Variants in LIMA1 observed in about 807,000 individuals in gnomAD.
LIMA1 encodes the protein LIM domain and actin-binding protein 1.
A neutral mutation model predicts 62.6 loss-of-function variants in LIMA1; 52 were observed. That is an observed-to-expected ratio of 0.83 (90% CI 0.67 to 1.05). The LOEUF is 1.05. LIMA1 is among the 50% of genes least tolerant of loss of function. LIMA1 has a pLI of 0.00. For synonymous variants in LIMA1, 302 were observed against 317.8 expected (o/e 0.95, Z 0.53); for missense variants, 780 against 902.2 (o/e 0.86, Z 1.74).
rs1174447634 is a variant in LIMA1, at chr12:50,210,229, C to T, written c.631-4161G>A. Among the ~76,000 whole-genome samples, 5 of 151,998 alleles carry T rather than the reference C, an allele frequency of 3.3e-5. No individual in the cohort carries two copies. The East Asian group carries it at 9.8e-4, about 30-fold the overall frequency. Reference sequence around the variant, plus strand: ...CTTGAGGTCAGGAGTTTGAGACCAGCCTCGCCCACATGGCGAAACCCCATC... The same window carrying T: ...CTTGAGGTCAGGAGTTTGAGACCAGTCTCGCCCACATGGCGAAACCCCATC... On this transcript the variant is annotated intron_variant, in intron 4 of 10. Transcript: ENST00000341247.
At chr12:50,198,943 C>T (rs916748828) in intron 7 of LIMA1, among the ~76,000 whole-genome samples, 1 of 152,186 alleles carries the variant, frequency 6.6e-6, no homozygotes, top group African/African-American at 2.4e-5. Flanking sequence ...CATCCAAACC[C>T]TTAAGGGTGA....
At chr12:50,279,464 C>T (rs1942313084) in intron 1 of LIMA1, among the ~76,000 whole-genome samples, 1 of 151,378 alleles carries the variant, frequency 6.6e-6, no homozygotes, top group Non-Finnish European at 1.5e-5. Context: ...ATTTTCAGGC[C>T]ACTTACATGG....
Position 50,179,746 on chromosome 12 carries a change from TG to T in LIMA1, c.1275-1678del, listed in dbSNP as rs1473313109. 7.3e-5 allele frequency among the ~76,000 whole-genome samples: 11 copies of T among 150,800 alleles called. No homozygotes were observed. In the East Asian group the frequency reaches 2.2e-3, roughly 30 times the overall value. ...GCAACTGCACCCAGCCATTTTTTGT[TG>T]TTTTTTTTTTTGAGTGGAGGTCTTG... On this transcript the variant is annotated intron_variant, in intron 10 of 10. Coordinates refer to ENST00000341247, the MANE Select transcript of LIMA1 (RefSeq NM_016357.5).
intron 1 of LIMA1, among the ~76,000 whole-genome samples, chr12:50,269,834 C>T (rs866370487): frequency 6.7e-4 from 100 of 148,770 alleles, no homozygotes; most frequent in African/African-American, 2.3e-3. Context: ...GCAAGAGAAT[C>T]GCTTGAACCT....
intron 3 of LIMA1, among the ~76,000 whole-genome samples, chr12:50,224,742 T>C (rs1027280203): frequency 1.3e-5 from 2 of 152,186 alleles, no homozygotes; most frequent in Non-Finnish European, 2.9e-5. Flanking sequence ...TTTTAATTTT[T>C]TTTTAGAGAC....
rs1941032090 is a variant in LIMA1 at position 50,200,796 on chromosome 12, G to C, written c.953C>G (p.Thr318Ser). ...ACCTACCTTTTCCCCTTCCTGATGGGTGATGCAGACCTCAGGACCTGGGGG... is the reference window on the plus strand; with the variant it reads ...ACCTACCTTTTCCCCTTCCTGATGGCTGATGCAGACCTCAGGACCTGGGGG... ...NVPPGPEVCI[T>S]HQEGEKISAN... Residue 318 changes from threonine (T) to serine (S), a missense_variant, in exon 7 of 11, where the codon ACC (threonine) becomes AGC (serine). By Grantham distance (58) the Thr-to-Ser change is moderately conservative (BLOSUM62 1). Transcript: ENST00000341247. The C allele has an allele frequency of 6.2e-7, 1 of 1,613,932 alleles. No homozygotes were observed. The highest frequency in any genetic ancestry group is 1.3e-5 in the African/African-American group (1 of 74,892).
chr12:50,219,550 T>C (rs1302855380), intron 4 of LIMA1: 1 of 152,178 alleles, frequency 6.6e-6, no homozygotes, highest in Non-Finnish European at 1.5e-5. Flanking sequence ...TGATGCTTAT[T>C]TACAAACAGC....
intron 4 of LIMA1, 49 bp from the exon 5 acceptor site, chr12:50,206,117 T>C (rs371511339): frequency 6.8e-6 from 10 of 1,479,040 alleles, no homozygotes; most frequent in African/African-American, 1.4e-5. Flanking sequence ...ATGGGAAATC[T>C]TGACGCAAGG....
In LIMA1 at chr12:50,270,105, G is replaced by A. The variant is rs186670970; in HGVS notation, c.-24+13315C>T. ...CAAAATTAGCCAGGTGTGGTAGCAC[G>A]TGCCTGTAATTCCAGCTACTCGGGA... On this transcript the variant is annotated intron_variant, in intron 1 of 10. Transcript: ENST00000341247. Among the ~76,000 whole-genome samples the A allele has an allele frequency of 2.2e-3, 335 of 151,158 alleles. 1 individual carries two copies. Among genetic ancestry groups the A allele is most frequent in the Middle Eastern group, 0.014 (4 of 294 alleles).
intron 1 of LIMA1, among the ~76,000 whole-genome samples, chr12:50,250,684 G>T (rs1292676251): frequency 2.6e-5 from 4 of 151,940 alleles, no homozygotes; most frequent in Admixed American, 1.3e-4. Flanking sequence ...ATCCTTGTCG[G>T]AAAATAATAC....
chr12:50,216,586 C>T (rs1431595226), intron 4 of LIMA1, among the ~76,000 whole-genome samples: 2 of 152,058 alleles, frequency 1.3e-5, no homozygotes, highest in Admixed American at 6.6e-5. Flanking sequence ...GGAAGTAGAA[C>T]CATCACATTC....
At chr12:50,185,315 C>G in intron 9 of LIMA1, 1 of 454,168 alleles carries the variant, frequency 2.2e-6, no homozygotes, top group Non-Finnish European at 4.4e-6. Context: ...GGGAGGCACA[C>G]ACTGTGGGAG....
chr12:50,232,857 C>T (rs950140927), intron 2 of LIMA1, among the ~76,000 whole-genome samples: 3 of 152,210 alleles, frequency 2.0e-5, no homozygotes, highest in Non-Finnish European at 4.4e-5. Flanking sequence ...CATAGTGGCG[C>T]ACACCTATAA....
At chr12:50,240,663 A>G (rs948463383) in intron 2 of LIMA1, among the ~76,000 whole-genome samples, 1 of 152,258 alleles carries the variant, frequency 6.6e-6, no homozygotes, top group East Asian at 1.9e-4. Flanking sequence ...CAAGAGTTCA[A>G]TGCTAGCCAT....
chr12:50,272,925 C>T (rs1343974299), intron 1 of LIMA1, among the ~76,000 whole-genome samples: 3 of 151,548 alleles, frequency 2.0e-5, no homozygotes, highest in Admixed American at 2.0e-4. Flanking sequence ...TGGCGGGCGC[C>T]TGTAGTCCCA....
chr12:50,260,337 C>T (rs1472510208), intron 1 of LIMA1, among the ~76,000 whole-genome samples: 5 of 151,942 alleles, frequency 3.3e-5, no homozygotes, highest in Admixed American at 1.3e-4. Flanking sequence ...TTAGTAGAGA[C>T]GAGGTTTCAC....
Position 50,186,237 on chromosome 12 carries a change from T to G in LIMA1, c.1141-4200A>C, listed in dbSNP as rs574424867. The G allele has an allele frequency of 2.0e-5, 3 of 152,338 alleles. No individual in the cohort carries two copies. The East Asian group carries it at 5.8e-4, about 29-fold the overall frequency. The allele number at this position is 152,338 out of a possible 1,614,324, so 9.4% of individuals were successfully genotyped here. The stretch of plus-strand genomic sequence containing the variant: ...CTGCCAATACGACAATGTTAGACAT[T>G]TTTTATCTTCACAGTATATTTTTTC... On this transcript the variant is annotated intron_variant, in intron 9 of 10. Coordinates refer to ENST00000341247, the MANE Select transcript of LIMA1 (RefSeq NM_016357.5).
chr12:50,201,523 A>G, intron 6 of LIMA1: 4 of 984,498 alleles, frequency 4.1e-6, no homozygotes, highest in Non-Finnish European at 4.8e-6. Context: ...TATTGTCATA[A>G]GGAATAAGGA....
chr12:50,176,335 T>C lies in LIMA1; in HGVS notation c.*729A>G, dbSNP rs1358078447. Reference sequence around the variant, plus strand: ...TATCACCAGAAAAGAAAGCAATCATTTGGAGTACAGTAAATTCACTGGCAG... The same window carrying C: ...TATCACCAGAAAAGAAAGCAATCATCTGGAGTACAGTAAATTCACTGGCAG... On this transcript the variant is annotated 3_prime_UTR_variant, in exon 11 of 11. Transcript: ENST00000341247. The C allele has an allele frequency of 1.3e-5, 2 of 152,200 alleles. No homozygotes were observed. Among genetic ancestry groups the C allele is most frequent in the Non-Finnish European group, 2.9e-5 (2 of 68,042 alleles). The allele number at this position is 152,200 out of a possible 1,614,324, so 9.4% of individuals were successfully genotyped here. A position where few individuals can be genotyped will look rare whatever the true frequency, so the allele number is the denominator to read the frequency against.
Sources: allele counts gnomAD v4.1 joint callset (sites outside exome capture counted in the v4.1 genomes callset), GRCh38; gene constraint gnomAD v4.1.1; transcripts MANE v1.5; gene names NCBI Gene and HGNC (gene_info 2026-07-23, HGNC 2026-07-21).